The following REEP3 variants were observed in gnomAD, a reference collection of about 807,000 sequenced individuals.
REEP3 encodes the protein receptor expression-enhancing protein 3.
In REEP3, 20 loss-of-function variants were observed where a neutral mutation model predicts 41.3. That is an observed-to-expected ratio of 0.48 (90% CI 0.34 to 0.70). The LOEUF (loss-of-function observed/expected upper bound fraction) is 0.70. Among genes scored for constraint, REEP3 ranks in the 30% least tolerant of loss-of-function variants. The pLI is 0.01. For synonymous variants in REEP3, 104 were observed against 101.8 expected, an observed-to-expected ratio of 1.02 and a Z score of -0.13; for missense variants, 271 against 308.8, an observed-to-expected ratio of 0.88 and a Z score of 0.92.
At chr10:63,566,251 C>T in intron 1 of REEP3, 87 bp from the exon 2 acceptor site, 2 of 713,838 alleles carry the variant, frequency 2.8e-6, no homozygotes, top group East Asian at 2.8e-5. Flanking sequence ...CACAAATTTA[C>T]AGTTATTTGT....
rs114249817 is a variant in REEP3, at chr10:63,526,896, T to G, written c.32+5319T>G. On this transcript the variant is annotated intron_variant, in intron 1 of 7. Transcript: ENST00000373758. ...GTTTATAGTTTTAATATAGTTCGCC[T>G]TCTTTGTTTTTTATTTTGTGATTTC... Among the ~76,000 whole-genome samples the G allele has an allele frequency of 3.1e-3, 475 of 152,286 alleles. 2 individuals carry two copies. Among genetic ancestry groups the G allele is most frequent in the African/African-American group, 0.011 (450 of 41,568 alleles).
Position 63,606,509 on chromosome 10 carries a change from C to A in REEP3, c.418-3678C>A, listed in dbSNP as rs148980610. Among the ~76,000 whole-genome samples, 588 of 152,216 alleles carry A rather than the reference C, an allele frequency of 3.9e-3. 1 individual carries two copies. The highest frequency in any genetic ancestry group is 0.011 in the African/African-American group (459 of 41,546). ...CATGTGATCCTCCCACCTTGGCCTC[C>A]CAAAGTGTTGGAATTGCAGGCGTGA... On this transcript the variant is annotated intron_variant, in intron 5 of 7. Coordinates refer to ENST00000373758, the MANE Select transcript of REEP3 (RefSeq NM_001001330.3).
intron 1 of REEP3, among the ~76,000 whole-genome samples, chr10:63,527,706 T>A (rs1042753600): frequency 3.9e-5 from 6 of 151,998 alleles, no homozygotes; most frequent in East Asian, 3.9e-4. Flanking sequence ...ATAATTTTTT[T>A]AAAAAAAGGA....
intron 1 of REEP3, among the ~76,000 whole-genome samples, chr10:63,534,246 TTTTA>T (rs1453868522): frequency 6.6e-6 from 1 of 151,586 alleles, no homozygotes; most frequent in Non-Finnish European, 1.5e-5. Flanking sequence ...TATTATTATT[TTTTA>T]TTTTTTTTTT....
At chr10:63,609,412 A>G (rs2133427491) in intron 5 of REEP3, among the ~76,000 whole-genome samples, 1 of 145,178 alleles carries the variant, frequency 6.9e-6, no homozygotes, top group African/African-American at 2.6e-5. Flanking sequence ...AGATTGCGCC[A>G]CTGCACTCCA....
intron 6 of REEP3, among the ~76,000 whole-genome samples, chr10:63,614,879 T>A (rs1002021016): frequency 2.6e-5 from 4 of 152,214 alleles, no homozygotes; most frequent in Admixed American, 2.6e-4. Context: ...AAGAAACTTT[T>A]AAGAATATGT....
intron 1 of REEP3, among the ~76,000 whole-genome samples, chr10:63,526,807 CA>C (rs1266640190): frequency 6.6e-6 from 1 of 152,060 alleles, no homozygotes; most frequent in African/African-American, 2.4e-5. Context: ...ATATTTCATG[CA>C]AATGTGTTTC....
At chr10:63,548,989 TA>T (rs202062785) in intron 1 of REEP3, among the ~76,000 whole-genome samples, 77 of 150,964 alleles carry the variant, frequency 5.1e-4, no homozygotes, top group Middle Eastern at 3.4e-3. Flanking sequence ...TTTTTTTTTT[TA>T]AATGCACCAT....
intron 2 of REEP3, among the ~76,000 whole-genome samples, chr10:63,575,827 A>C (rs1015527089): frequency 1.3e-5 from 2 of 152,072 alleles, no homozygotes; most frequent in Non-Finnish European, 2.9e-5. Flanking sequence ...TCTGCCTCCC[A>C]GGTTCAAGCA....
At chr10:63,562,409 C>T (rs1450300801) in intron 1 of REEP3, among the ~76,000 whole-genome samples, 2 of 152,108 alleles carry the variant, frequency 1.3e-5, no homozygotes, top group Non-Finnish European at 2.9e-5. Flanking sequence ...AGGCATGCAT[C>T]ACCATGCCTG....
At chr10:63,547,371 A>C (rs927846325) in intron 1 of REEP3, among the ~76,000 whole-genome samples, 1 of 152,238 alleles carries the variant, frequency 6.6e-6, no homozygotes, top group African/African-American at 2.4e-5. Context: ...GTGAAAAAAG[A>C]AGCCAAAATG....
At chr10:63,581,541 G>A (rs747040024) in intron 2 of REEP3, among the ~76,000 whole-genome samples, 8 of 152,072 alleles carry the variant, frequency 5.3e-5, no homozygotes, top group Non-Finnish European at 1.2e-4. Context: ...AGGAGTTTGA[G>A]ACTAACCTGG....
chr10:63,576,564 T>G (rs958529088), intron 2 of REEP3, among the ~76,000 whole-genome samples: 3 of 152,228 alleles, frequency 2.0e-5, no homozygotes. Context: ...TTCATTTAAC[T>G]ACATCTTCAA....
chr10:63,536,321 TATC>T (rs1429787773), intron 1 of REEP3, among the ~76,000 whole-genome samples: 1 of 152,212 alleles, frequency 6.6e-6, no homozygotes, highest in Non-Finnish European at 1.5e-5. Context: ...TACACTCACA[TATC>T]ATCACCCTAT....
intron 1 of REEP3, among the ~76,000 whole-genome samples, chr10:63,532,000 C>CT (rs1189598907): frequency 6.6e-6 from 1 of 152,210 alleles, no homozygotes; most frequent in African/African-American, 2.4e-5. Flanking sequence ...ATATAGTACA[C>CT]TTTGCAAATA....
At chr10:63,604,984 T>C (rs960615755) in intron 5 of REEP3, among the ~76,000 whole-genome samples, 8 of 152,152 alleles carry the variant, frequency 5.3e-5, no homozygotes, top group Non-Finnish European at 1.2e-4. Flanking sequence ...TTGTCACCAC[T>C]GAGAGGGGGC....
chr10:63,551,917 A>G (rs1206055575), intron 1 of REEP3, among the ~76,000 whole-genome samples: 2 of 152,224 alleles, frequency 1.3e-5, no homozygotes, highest in African/African-American at 2.4e-5. Context: ...AATTTTAAGA[A>G]TAAGAGAAAT....
chr10:63,611,875 G>A (rs1956279904), intron 6 of REEP3, among the ~76,000 whole-genome samples: 1 of 150,508 alleles, frequency 6.6e-6, no homozygotes, highest in East Asian at 1.9e-4. Flanking sequence ...AGGAAGTTGA[G>A]GCTGCAATGA....
intron 1 of REEP3, among the ~76,000 whole-genome samples, chr10:63,556,433 T>C (rs887755550): frequency 4.6e-5 from 7 of 151,462 alleles, no homozygotes; most frequent in Non-Finnish European, 7.4e-5. Flanking sequence ...ATGATTCTAT[T>C]TTTTAAATTC....
Sources: allele counts gnomAD v4.1 joint callset (sites outside exome capture counted in the v4.1 genomes callset), GRCh38; gene constraint gnomAD v4.1.1; transcripts MANE v1.5; gene names NCBI Gene and HGNC (gene_info 2026-07-23, HGNC 2026-07-21).